HSPG2: variants seen among roughly 807,000 people sequenced by gnomAD.
The protein encoded by HSPG2 is heparan sulfate proteoglycan 2.
In HSPG2, 278 loss-of-function variants were observed where a neutral mutation model predicts 526.6. The observed-to-expected ratio is 0.53, with a 90% CI of 0.48 to 0.58. The LOEUF is 0.58. Among genes scored for constraint, HSPG2 ranks in the 20% least tolerant of loss-of-function variants. HSPG2 has a pLI of 0.00. For synonymous variants in HSPG2, 2,465 were observed against 2,555.4 expected (o/e 0.96, Z 1.07); for missense variants, 5,354 against 6,099.5 (o/e 0.88, Z 4.07).
intron 1 of HSPG2, among the ~76,000 whole-genome samples, chr1:21,906,578 G>C (rs1446915144): frequency 6.6e-6 from 1 of 152,170 alleles, no homozygotes; most frequent in Non-Finnish European, 1.5e-5. Flanking sequence ...AGCGCCCCAT[G>C]TCTGCTTTCT....
In HSPG2 at chr1:21,904,494, G is replaced by A. The variant is rs755643487; in HGVS notation, c.64-8184C>T. Among the ~76,000 whole-genome samples, 3 of 152,082 alleles carry A rather than the reference G, an allele frequency of 2.0e-5. No homozygotes were observed. Among genetic ancestry groups the A allele is most frequent in the Non-Finnish European group, 2.9e-5 (2 of 67,998 alleles). On this transcript the variant is annotated intron_variant, in intron 1 of 96. Coordinates refer to ENST00000374695, the MANE Select transcript of HSPG2 (RefSeq NM_005529.7). The surrounding 1 kb of genome is among the most constrained non-coding windows in gnomAD (Gnocchi z 4.4). ...CGCCCCTCAGTTGTGCTGCTGACCC[G>A]GTGCTAGTCACAGAGGCCAAGTCTC...
rs1057333831 is a variant in HSPG2 at position 21,827,803 on chromosome 1, G to A, written c.12589+60C>T. Reference sequence around the variant, plus strand: ...GCTTGCAGGCCAGAATTGAGGGTGTGGGGTAACTGGAAGAGTGAGCTGAGC... The same window carrying A: ...GCTTGCAGGCCAGAATTGAGGGTGTAGGGTAACTGGAAGAGTGAGCTGAGC... On this transcript the variant is annotated intron_variant, in intron 91 of 96. Transcript: ENST00000374695. The A allele has an allele frequency of 3.3e-6, 5 of 1,503,992 alleles. No homozygotes were observed. In the East Asian group the frequency reaches 7.2e-5, roughly 22 times the overall value. The allele number at this position is 1,503,992 out of a possible 1,614,324, so 93.2% of individuals were successfully genotyped here.
rs538016794 is a variant in HSPG2, at chr1:21,859,693, A to T, written c.5183-17T>A. On this transcript the variant is annotated splice_polypyrimidine_tract_variant and intron_variant, in intron 41 of 96. Coordinates refer to ENST00000374695, the MANE Select transcript of HSPG2 (RefSeq NM_005529.7). This position sits in a 1 kb window ranked among gnomAD's most constrained non-coding sequence, Gnocchi z 5.3. ...GCTCGGAGCCTGGTGGGGAGGAGAC[A>T]AGAGCTTGTTGGTGCAGATACACTC... The T allele has an allele frequency of 4.7e-5, 75 of 1,599,122 alleles. No homozygotes were observed. In the Admixed American group the frequency reaches 1.3e-3, roughly 27 times the overall value.
In HSPG2 at chr1:21,845,965, T is replaced by C. The variant is rs7355045; in HGVS notation, c.8464+143A>G. 787,586 of 979,460 alleles carry C rather than the reference T, an allele frequency of 0.8. 317,727 individuals carry two copies. The highest frequency in any genetic ancestry group is 0.85 in the Middle Eastern group (2,674 of 3,158). 60.7% of individuals were successfully genotyped at this position (979,460 alleles called of 1,614,324 possible). On this transcript the variant is annotated intron_variant, in intron 64 of 96. Transcript: ENST00000374695. Reference sequence around the variant, plus strand: ...CCGGCTCCTTGGTCCTGGGACCGTGTGGGTGGCGGGAGGTGAAGTCTGGAA... The same window carrying C: ...CCGGCTCCTTGGTCCTGGGACCGTGCGGGTGGCGGGAGGTGAAGTCTGGAA...
chr1:21,847,367 G>A lies in HSPG2; in HGVS notation c.8151C>T (p.Ala2717=), dbSNP rs140067347. The part of the protein sequence containing the change: ...ASIVISVSPS[A]GSPSAPGSSM... The stretch of plus-strand genomic sequence containing the variant: ...AGGCAGACTCACCGGAGGGGCTGCC[G>A]GCGCTAGGGGAGACGGAGATGACGA... The change falls in exon 62 of 97, where the codon GCC becomes GCT. Residue 2717 remains alanine, a synonymous_variant. Transcript: ENST00000374695. The surrounding 1 kb of genome is among the most constrained non-coding windows in gnomAD (Gnocchi z 4.1). 37 of 1,613,978 alleles carry A rather than the reference G, an allele frequency of 2.3e-5. No individual in the cohort carries two copies. The highest frequency in any genetic ancestry group is 5.5e-5 in the South Asian group (5 of 91,084).
rs550675884 is a variant in HSPG2, at chr1:21,864,107, G to A, written c.4733C>T (p.Ala1578Val). The part of the protein sequence containing the change: ...HSDLCHPETG[A>V]CSQCQHNAAG... The stretch of plus-strand genomic sequence containing the variant: ...GCCTCGCTTGCAGCTCACCGAGCAG[G>A]CCCCAGTCTCTGGGTGGCACAGGTC... The change falls in exon 37 of 97, where the codon GCC becomes GTC. Residue 1578 changes from alanine to valine, a missense_variant. Transcript: ENST00000374695. This position sits in a 1 kb window ranked among gnomAD's most constrained non-coding sequence, Gnocchi z 4.8. 2.0e-5 allele frequency: 31 copies of A among 1,552,834 alleles called. No individual in the cohort carries two copies. The African/African-American group carries it at 4.0e-4, about 20-fold the overall frequency.
At chr1:21,886,968 C>A (rs925811191) in intron 9 of HSPG2, among the ~76,000 whole-genome samples, 1 of 152,202 alleles carries the variant, frequency 6.6e-6, no homozygotes, top group African/African-American at 2.4e-5. Context: ...GGCAGGCTAA[C>A]CACACAGCTT....
intron 85 of HSPG2, chr1:21,830,355 C>T: frequency 1.9e-6 from 1 of 525,494 alleles, no homozygotes; most frequent in South Asian, 2.1e-5. Context: ...AGGGGGAGCA[C>T]CTGGTGGCGG....
intron 65 of HSPG2, 47 bp from the exon 66 acceptor site, chr1:21,843,485 A>C (rs781579271): frequency 6.3e-7 from 1 of 1,582,326 alleles, no homozygotes; most frequent in South Asian, 1.1e-5. Flanking sequence ...GGGAGCCTTC[A>C]GATGCCCAGG....
intron 82 of HSPG2, 42 bp downstream of exon 82, chr1:21,831,610 C>T (rs560004423): frequency 9.3e-6 from 15 of 1,613,032 alleles, no homozygotes; most frequent in Middle Eastern, 1.6e-4. Context: ...TGGGCAAGGG[C>T]GGGATGAGGG....
chr1:21,937,158 C>T lies in HSPG2; in HGVS notation c.60G>A (p.Leu20=). The stretch of plus-strand genomic sequence containing the variant: ...CCCCTCTGCCCCGCACACTCACCGC[C>T]AGCAGCCGCCCGTGCAGCAGCAGCG... ...LLALLLHGRL[L]AVTHGLRAYD... The change falls in exon 1 of 97, where the codon CTG becomes CTA. Residue 20 remains leucine (L), a synonymous_variant. Coordinates refer to ENST00000374695, the MANE Select transcript of HSPG2 (RefSeq NM_005529.7). 9.6e-7 allele frequency: 1 copy of T among 1,040,634 alleles called. No individual in the cohort carries two copies. The highest frequency in any genetic ancestry group is 1.2e-6 in the Non-Finnish European group (1 of 836,850). The allele number at this position is 1,040,634 out of a possible 1,614,324, so 64.5% of individuals were successfully genotyped here. A position where few individuals can be genotyped will look rare whatever the true frequency, so the allele number is the denominator to read the frequency against.
chr1:21,847,972 C>T lies in HSPG2; in HGVS notation c.7859G>A (p.Ser2620Asn). ...ETSLIVTIQG[S>N]GSSHVPSVSP... Reference sequence around the variant, plus strand: ...TCTGCTCTCACCGTGGGAGGAACCGCTGCCCTGGATGGTGACGATGAGCGA... The same window carrying T: ...TCTGCTCTCACCGTGGGAGGAACCGTTGCCCTGGATGGTGACGATGAGCGA... The change falls in exon 60 of 97, where the codon AGC (serine) becomes AAC (asparagine). Residue 2620 changes from serine (S) to asparagine (N), a missense_variant. Ser to Asn is a conservative substitution (Grantham distance 46, BLOSUM62 1). Transcript: ENST00000374695. This position sits in a 1 kb window ranked among gnomAD's most constrained non-coding sequence, Gnocchi z 4.1. 6.2e-7 allele frequency: 1 copy of T among 1,613,862 alleles called. No individual in the cohort carries two copies. Among genetic ancestry groups the T allele is most frequent in the South Asian group, 1.1e-5 (1 of 91,084 alleles).
In HSPG2 at chr1:21,893,264, C is replaced by A. The variant is rs1227256036; in HGVS notation, c.245-2570G>T. Among the ~76,000 whole-genome samples, 1 of 152,204 alleles carries A rather than the reference C, an allele frequency of 6.6e-6. No individual in the cohort carries two copies. Among genetic ancestry groups the A allele is most frequent in the African/African-American group, 2.4e-5 (1 of 41,452 alleles). ...CACAAGTGGCCTCTGGAATGCAGGG[C>A]CTGGTCCCTGCAGGGCTGCTGCACC... On this transcript the variant is annotated intron_variant, in intron 3 of 96. Transcript: ENST00000374695. This position sits in a 1 kb window ranked among gnomAD's most constrained non-coding sequence, Gnocchi z 4.3.
intron 13 of HSPG2, among the ~76,000 whole-genome samples, chr1:21,881,885 G>T (rs922982629): frequency 1.3e-4 from 18 of 143,712 alleles, no homozygotes; most frequent in Admixed American, 6.1e-4. Context: ...GGAGGCTGCA[G>T]CGAGCTGAGA....
Position 21,839,137 on chromosome 1 carries a change from G to T in HSPG2, c.9890-52C>A. ...ATTGGGGAGGGCAAAGGTCAGAATG[G>T]CAGCAGGTCGTTGGATCCAGTGTCC... is the stretch of plus-strand genomic sequence containing the variant. On this transcript the variant is annotated intron_variant, in intron 73 of 96. Transcript: ENST00000374695. The surrounding 1 kb of genome is among the most constrained non-coding windows in gnomAD (Gnocchi z 4.5). 1 of 1,547,678 alleles carries T rather than the reference G, an allele frequency of 6.5e-7. No homozygotes were observed. The highest frequency in any genetic ancestry group is 1.2e-5 in the South Asian group (1 of 80,186).
chr1:21,824,898 G>T lies in HSPG2; in HGVS notation c.12590-119C>A. 1 of 936,150 alleles carries T rather than the reference G, an allele frequency of 1.1e-6. No individual in the cohort carries two copies. Among genetic ancestry groups the T allele is most frequent in the Non-Finnish European group, 1.7e-6 (1 of 589,220 alleles). The allele number at this position is 936,150 out of a possible 1,614,324, so 58.0% of individuals were successfully genotyped here. A position where few individuals can be genotyped will look rare whatever the true frequency, so the allele number is the denominator to read the frequency against. ...AGGACTAGGGGGCTCCGAGCCTGCAGTCCCTGGGGACCCACGGGGGCTGCC... is the reference window on the plus strand; with the variant it reads ...AGGACTAGGGGGCTCCGAGCCTGCATTCCCTGGGGACCCACGGGGGCTGCC... On this transcript the variant is annotated intron_variant, in intron 91 of 96. Transcript: ENST00000374695. This position sits in a 1 kb window ranked among gnomAD's most constrained non-coding sequence, Gnocchi z 5.9.
chr1:21,830,503 C>A, intron 85 of HSPG2: 1 of 275,340 alleles, frequency 3.6e-6, no homozygotes, highest in Non-Finnish European at 7.1e-6. Context: ...CCATGGCCAA[C>A]GTAGTGAAAC....
rs776173629 is a variant in HSPG2, at chr1:21,890,337, C to T, written c.413+90G>A. The T allele has an allele frequency of 8.9e-5, 124 of 1,395,932 alleles. 1 individual carries two copies. The African/African-American group carries it at 1.1e-3, about 12-fold the overall frequency. 86.5% of individuals were successfully genotyped at this position (1,395,932 alleles called of 1,614,324 possible). A position where few individuals can be genotyped will look rare whatever the true frequency, so the allele number is the denominator to read the frequency against. ...CAGCGACTCATCCCATAGGCCTTTC[C>T]GCGGTGCCAGGCTTCCTTCCCATCC... On this transcript the variant is annotated intron_variant, in intron 5 of 96. Transcript: ENST00000374695. The surrounding 1 kb of genome is among the most constrained non-coding windows in gnomAD (Gnocchi z 4.1).
rs761308472 is a variant in HSPG2, at chr1:21,839,809, C to A, written c.9709+13G>T. On this transcript the variant is annotated intron_variant, in intron 72 of 96. Transcript: ENST00000374695. The surrounding 1 kb of genome is among the most constrained non-coding windows in gnomAD (Gnocchi z 4.5). ...CTGCCCTGCCAGCCCTATGTGCCAG[C>A]CCTTGGTCACACCTGTGGCTGAGCA... 1.2e-6 allele frequency: 2 copies of A among 1,612,644 alleles called. No homozygotes were observed. Among genetic ancestry groups the A allele is most frequent in the Non-Finnish European group, 8.5e-7 (1 of 1,179,874 alleles).
Sources: allele counts gnomAD v4.1 joint callset (sites outside exome capture counted in the v4.1 genomes callset), GRCh38; gene constraint gnomAD v4.1.1; non-coding constraint Gnocchi (gnomAD v3.1); transcripts MANE v1.5; gene names NCBI Gene and HGNC (gene_info 2026-07-23, HGNC 2026-07-21).